Variants in CT45A1 observed in about 807,000 individuals in gnomAD.
The protein encoded by CT45A1 is cancer/testis antigen family 45 member A1.
At chrX:135,718,308 G>C (rs1269049939) in intron 1 of CT45A1, among the ~76,000 whole-genome samples, 2 of 110,848 alleles carry the variant, frequency 1.8e-5, no homozygotes, top group Admixed American at 9.7e-5. Context: ...CTCACCCTTA[G>C]TTTGGAATTT....
At chrX:135,717,635 T>C (rs2087998373) in intron 1 of CT45A1, among the ~76,000 whole-genome samples, 1 of 112,302 alleles carries the variant, frequency 8.9e-6, no homozygotes, top group Admixed American at 9.5e-5. Context: ...TGATGTTTTA[T>C]AATTTTTGTG....
intron 1 of CT45A1, among the ~76,000 whole-genome samples, chrX:135,716,033 G>A (rs782631971): frequency 9.0e-6 from 1 of 110,956 alleles, no homozygotes; most frequent in Non-Finnish European, 1.9e-5. Context: ...GGGCTGCAAA[G>A]TATTCCATGG....
chrX:135,713,775 G>C (rs1257742897), intron 1 of CT45A1, 85 bp downstream of exon 1: 2 of 635,329 alleles, frequency 3.1e-6, no homozygotes, highest in Non-Finnish European at 3.8e-6. Context: ...TCCTCAGAAA[G>C]AGTCTTTTCT....
chrX:135,711,730 T>C (rs2087934261), upstream of CT45A1, among the ~76,000 whole-genome samples: 1 of 112,314 alleles, frequency 8.9e-6, no homozygotes, highest in Admixed American at 9.5e-5. Context: ...GCTGTAATAT[T>C]TTTTGCCACT....
chrX:135,713,525 C>G (rs1285071321), upstream of CT45A1: 2 of 739,196 alleles, frequency 2.7e-6, no homozygotes, highest in African/African-American at 2.4e-5. Flanking sequence ...CAAACGGGAT[C>G]GGTGCTTCTG....
At chrX:135,714,835 G>GTT (rs782184985) in intron 1 of CT45A1, among the ~76,000 whole-genome samples, 5 of 86,520 alleles carry the variant, frequency 5.8e-5, no homozygotes, top group Non-Finnish European at 9.4e-5. Flanking sequence ...GCTATTTATT[G>GTT]TTTTTTTTTT....
chrX:135,715,329 T>C (rs2087972443), intron 1 of CT45A1, among the ~76,000 whole-genome samples: 1 of 78,259 alleles, frequency 1.3e-5, no homozygotes, highest in African/African-American at 5.1e-5. Context: ...ATAATACTTA[T>C]ATATTATATA....
At chrX:135,714,138 A>T (rs1556570502) in intron 1 of CT45A1, among the ~76,000 whole-genome samples, 1 of 107,679 alleles carries the variant, frequency 9.3e-6, no homozygotes, top group African/African-American at 3.4e-5. Context: ...TGTGTCCCAG[A>T]CGCATGATCG....
upstream of CT45A1, chrX:135,710,522 G>T (rs1335552250): frequency 1.8e-5 from 2 of 111,853 alleles, no homozygotes; most frequent in Non-Finnish European, 3.8e-5. Flanking sequence ...GATCATTTTG[G>T]AGTCTGGTGC....
upstream of CT45A1, among the ~76,000 whole-genome samples, chrX:135,711,892 C>A (rs1190935467): frequency 1.8e-5 from 2 of 110,421 alleles, no homozygotes; most frequent in East Asian, 5.7e-4. Context: ...ACCAGCCTGG[C>A]CGATGTGGTG....
chrX:135,708,490 C>T, the CT45A1 span, among the ~76,000 whole-genome samples: 2 of 110,424 alleles, frequency 1.8e-5, no homozygotes, highest in Admixed American at 9.7e-5. Flanking sequence ...GTGTGTGGTA[C>T]GGCTCCCTGG....
upstream of CT45A1, among the ~76,000 whole-genome samples, chrX:135,712,809 C>A (rs1270451572): frequency 7.2e-5 from 8 of 111,089 alleles, no homozygotes; most frequent in Non-Finnish European, 1.3e-4. Flanking sequence ...AGATTACAGG[C>A]GCGAGCCACA....
intron 1 of CT45A1, among the ~76,000 whole-genome samples, chrX:135,718,605 C>G (rs1424176388): frequency 9.1e-6 from 1 of 109,610 alleles, no homozygotes; most frequent in African/African-American, 3.3e-5. Context: ...GCTATTTTTC[C>G]TAATAAGGGT....
At chrX:135,717,624 G>T (rs782616077) in intron 1 of CT45A1, among the ~76,000 whole-genome samples, 84 of 112,011 alleles carry the variant, frequency 7.5e-4, no homozygotes, top group African/African-American at 2.7e-3. Context: ...ATTTCTCTGA[G>T]TGATGTTTTA....
At chrX:135,715,780 A>G (rs1381012630) in intron 1 of CT45A1, among the ~76,000 whole-genome samples, 1 of 106,606 alleles carries the variant, frequency 9.4e-6, no homozygotes, top group Non-Finnish European at 1.9e-5. Flanking sequence ...AGGTAGACAC[A>G]TGCCATGGTG....
At chrX:135,715,154 T>G (rs1485333846) in intron 1 of CT45A1, among the ~76,000 whole-genome samples, 5 of 98,529 alleles carry the variant, frequency 5.1e-5, no homozygotes, top group African/African-American at 1.8e-4. Flanking sequence ...GGGTAGTGCT[T>G]TTTATTATTT....
intron 1 of CT45A1, among the ~76,000 whole-genome samples, chrX:135,716,958 G>A (rs1235402057): frequency 4.5e-5 from 5 of 111,290 alleles, no homozygotes; most frequent in African/African-American, 1.3e-4. Context: ...TTCCCTTGGT[G>A]TATTTGCCTG....
chrX:135,716,094 G>A, intron 1 of CT45A1, among the ~76,000 whole-genome samples: 1 of 111,156 alleles, frequency 9.0e-6, no homozygotes, highest in Admixed American at 9.7e-5. Flanking sequence ...TGGGCATTTG[G>A]GTTGATTCCA....
chrX:135,711,681 G>T (rs1472530987), upstream of CT45A1, among the ~76,000 whole-genome samples: 1 of 111,680 alleles, frequency 9.0e-6, no homozygotes, highest in East Asian at 2.8e-4. Context: ...ATTGTGTCAA[G>T]AGTGAAACTG....
Sources: gnomAD v4.1 joint callset for allele counts (sites outside exome capture counted in the v4.1 genomes callset) on GRCh38, gnomAD v4.1.1 for gene constraint, MANE v1.5 for transcripts, NCBI Gene and HGNC (gene_info 2026-07-23, HGNC 2026-07-21) for gene names.